AQP3: variants seen among roughly 807,000 people sequenced by gnomAD.
AQP3 encodes the protein aquaporin 3 (Gill blood group).
In AQP3, 15 loss-of-function variants were observed where a neutral mutation model predicts 30.3. The ratio of observed to expected loss-of-function variants is 0.49; its 90% CI spans 0.33 to 0.76. AQP3 has a LOEUF of 0.76. Among genes scored for constraint, AQP3 ranks in the 30% least tolerant of loss-of-function variants. The probability of loss-of-function intolerance (pLI) is 0.02; values close to 1 mark genes in which losing one functional copy is unlikely to be tolerated. For synonymous variants in AQP3, 153 were observed against 163.2 expected (o/e 0.94, Z 0.47); for missense variants, 272 against 384.8 (o/e 0.71, Z 2.45).
At chr9:33,447,216 C>T (rs980549943) in intron 1 of AQP3, among the ~76,000 whole-genome samples, 4 of 152,178 alleles carry the variant, frequency 2.6e-5, no homozygotes, top group Non-Finnish European at 2.9e-5. Flanking sequence ...GTCATTCTGG[C>T]AAGAGTCGGA....
At position 33,441,829 on chromosome 9, in the gene AQP3, G is replaced by T. The variant is rs747502111; in HGVS notation, c.*214C>A. On this transcript the variant is annotated 3_prime_UTR_variant, in exon 6 of 6. Transcript: ENST00000297991. ...AAAAGGATGTATTGACCCAAATTCC[G>T]GTTCCACCCCAGCTTAGGGGCAGTG... 4.1e-6 allele frequency: 3 copies of T among 732,294 alleles called. No individual in the cohort carries two copies. Among genetic ancestry groups the T allele is most frequent in the Non-Finnish European group, 6.8e-6 (3 of 440,148 alleles). The allele number at this position is 732,294 out of a possible 1,614,324, so 45.4% of individuals were successfully genotyped here. A position where few individuals can be genotyped will look rare whatever the true frequency, so the allele number is the denominator to read the frequency against.
rs1237412703 is a variant in AQP3, at chr9:33,447,434, G to A, written c.97C>T (p.Leu33Phe). The change falls in exon 1 of 6, where the codon CTC becomes TTC. Residue 33 changes from leucine to phenylalanine, a missense_variant. Leu to Phe is a conservative substitution (Grantham distance 22). Transcript: ENST00000297991. ...CTCCCTCCACTCACCACCAGGATGA[G>A]GGTCCCCAGGCACTCGGCCAGCGCC... ...RQALAECLGT[L>F]ILVMFGCGSV... 1.9e-6 allele frequency: 3 copies of A among 1,603,982 alleles called. No homozygotes were observed. Among genetic ancestry groups the A allele is most frequent in the Non-Finnish European group, 1.7e-6 (2 of 1,175,870 alleles).
intron 4 of AQP3, 130 bp downstream of exon 4, chr9:33,442,722 G>T (rs1826856539): frequency 1.8e-6 from 2 of 1,112,574 alleles, no homozygotes; most frequent in Non-Finnish European, 2.7e-6. Flanking sequence ...ACCATGTTCT[G>T]ATGCGGGTTA....
In AQP3 at chr9:33,443,137, C is replaced by A; in HGVS notation, c.374-167G>T. On this transcript the variant is annotated intron_variant, in intron 3 of 5. Coordinates refer to ENST00000297991, the MANE Select transcript of AQP3 (RefSeq NM_004925.5). The surrounding 1 kb of genome is among the most constrained non-coding windows in gnomAD (Gnocchi z 5.0). Reference sequence around the variant, plus strand: ...GGGGTGGGGTGGAGGGCCTGAGACTCTGTTATTGCCCAACTTGTTTCTTTC... The same window carrying A: ...GGGGTGGGGTGGAGGGCCTGAGACTATGTTATTGCCCAACTTGTTTCTTTC... 9.1e-7 allele frequency: 1 copy of A among 1,100,514 alleles called. No homozygotes were observed. The highest frequency in any genetic ancestry group is 1.3e-6 in the Non-Finnish European group (1 of 749,800). The allele number at this position is 1,100,514 out of a possible 1,614,324, so 68.2% of individuals were successfully genotyped here.
Position 33,442,843 on chromosome 9 carries a change from A to G in AQP3, c.492+9T>C, listed in dbSNP as rs1430137412. 11 of 1,612,466 alleles carry G rather than the reference A, an allele frequency of 6.8e-6. No individual in the cohort carries two copies. Among genetic ancestry groups the G allele is most frequent in the Non-Finnish European group, 9.3e-6 (11 of 1,178,588 alleles). ...CCCTGCGTTCCCCTCACACGTCCCC[A>G]GCCCATACCTGGTCAAAGAAGCCAT... On this transcript the variant is annotated intron_variant, in intron 4 of 5. Transcript: ENST00000297991.
Position 33,443,231 on chromosome 9 carries a change from C to A in AQP3, c.373+90G>T. 1 of 1,525,644 alleles carries A rather than the reference C, an allele frequency of 6.6e-7. No homozygotes were observed. Among genetic ancestry groups the A allele is most frequent in the South Asian group, 1.2e-5 (1 of 83,190 alleles). The allele number at this position is 1,525,644 out of a possible 1,614,324, so 94.5% of individuals were successfully genotyped here. A position where few individuals can be genotyped will look rare whatever the true frequency, so the allele number is the denominator to read the frequency against. ...CATGAGCCCGGGGCCTGGGCAGGTC[C>A]TAGCCGTCTGTCATCAAAAGGCCTG... On this transcript the variant is annotated intron_variant, in intron 3 of 5. Transcript: ENST00000297991. This position sits in a 1 kb window ranked among gnomAD's most constrained non-coding sequence, Gnocchi z 5.0.
chr9:33,443,302 C>A lies in AQP3; in HGVS notation c.373+19G>T. 1 of 1,571,376 alleles carries A rather than the reference C, an allele frequency of 6.4e-7. No individual in the cohort carries two copies. On this transcript the variant is annotated intron_variant, in intron 3 of 5. Coordinates refer to ENST00000297991, the MANE Select transcript of AQP3 (RefSeq NM_004925.5). This position sits in a 1 kb window ranked among gnomAD's most constrained non-coding sequence, Gnocchi z 5.0. ...GAGGGACGGGGGTAGTGGAGGAGGA[C>A]AGGGTGGGGAATGCTTACCATAATA...
Position 33,443,803 on chromosome 9 carries a change from A to C in AQP3, c.198T>G (p.Ala66=). 6.2e-7 allele frequency: 1 copy of C among 1,614,036 alleles called. No individual in the cohort carries two copies. The change falls in exon 2 of 6, where the codon GCT becomes GCG. Residue 66 remains alanine (A), a synonymous_variant. Transcript: ENST00000297991. The surrounding 1 kb of genome is among the most constrained non-coding windows in gnomAD (Gnocchi z 5.0). The part of the protein sequence containing the change: ...FLTINLAFGF[A]VTLGILIAGQ... The stretch of plus-strand genomic sequence containing the variant: ...CAGCGATGAGGATGCCCAGAGTGAC[A>C]GCAAAGCCAAAGGCCAGGTTGATGG...
At chr9:33,444,037 G>T in intron 1 of AQP3, 145 bp from the exon 2 acceptor site, 1 of 1,051,612 alleles carries the variant, frequency 9.5e-7, no homozygotes, top group Non-Finnish European at 1.3e-6. Context: ...CCCTTCTGCT[G>T]TAATTGCACT....
At chr9:33,445,819 G>A (rs1826905954) in intron 1 of AQP3, among the ~76,000 whole-genome samples, 1 of 152,164 alleles carries the variant, frequency 6.6e-6, no homozygotes, top group Non-Finnish European at 1.5e-5. Flanking sequence ...CAACACGCAG[G>A]TAGGCAGGCA....
In AQP3 at chr9:33,443,558, A is replaced by C; in HGVS notation, c.236-100T>G. 1 of 1,508,898 alleles carries C rather than the reference A, an allele frequency of 6.6e-7. No homozygotes were observed. The highest frequency in any genetic ancestry group is 9.0e-7 in the Non-Finnish European group (1 of 1,109,832). The allele number at this position is 1,508,898 out of a possible 1,614,324, so 93.5% of individuals were successfully genotyped here. Reference sequence around the variant, plus strand: ...TGCAGAGAGGGGTTTCTTGCACAGGATGGCGGTTGGTCTATGTAACAGGTC... The same window carrying C: ...TGCAGAGAGGGGTTTCTTGCACAGGCTGGCGGTTGGTCTATGTAACAGGTC... On this transcript the variant is annotated intron_variant, in intron 2 of 5. Transcript: ENST00000297991. The surrounding 1 kb of genome is among the most constrained non-coding windows in gnomAD (Gnocchi z 5.0).
At position 33,442,207 on chromosome 9, in the gene AQP3, C is replaced by T. The variant is rs1021095972; in HGVS notation, c.715G>A (p.Gly239Ser). 32 of 1,612,172 alleles carry T rather than the reference C, an allele frequency of 2.0e-5. No individual in the cohort carries two copies. Among genetic ancestry groups the T allele is most frequent in the Non-Finnish European group, 2.4e-5 (28 of 1,179,470 alleles). Residue 239 changes from glycine (G) to serine (S), a missense_variant, in exon 6 of 6, where the codon GGC becomes AGC. Physicochemically the swap from Gly to Ser is moderately conservative, Grantham distance 56. Transcript: ENST00000297991. ...AGWGSAVFTT[G>S]QHWWWVPIVS... Reference sequence around the variant, plus strand: ...ATGGGCACCCACCACCAATGCTGGCCGGTCCTGGGGGGACAGACACTCATA... The same window carrying T: ...ATGGGCACCCACCACCAATGCTGGCTGGTCCTGGGGGGACAGACACTCATA...
intron 5 of AQP3, 35 bp from the exon 6 acceptor site, chr9:33,442,246 G>T: frequency 6.2e-7 from 1 of 1,611,714 alleles, no homozygotes; most frequent in Non-Finnish European, 8.5e-7. Context: ...AGGGACATGG[G>T]GGGCAGGGCA....
At chr9:33,444,599 CAA>C (rs34738732) in intron 1 of AQP3, among the ~76,000 whole-genome samples, 342 of 113,182 alleles carry the variant, frequency 3.0e-3, no homozygotes, top group African/African-American at 8.8e-3. Flanking sequence ...GACTCCATCT[CAA>C]AAAAAAAAAA....
At chr9:33,444,402 C>T (rs568611159) in intron 1 of AQP3, among the ~76,000 whole-genome samples, 2 of 152,038 alleles carry the variant, frequency 1.3e-5, no homozygotes, top group African/African-American at 4.8e-5. Context: ...GAGTTTGAGA[C>T]CAGCCTGGCC....
chr9:33,443,703 G>A lies in AQP3; in HGVS notation c.235+63C>T. 1 of 1,610,552 alleles carries A rather than the reference G, an allele frequency of 6.2e-7. No homozygotes were observed. The highest frequency in any genetic ancestry group is 8.5e-7 in the Non-Finnish European group (1 of 1,177,860). ...ACAGCTGTGACCTGCCCTTAGGAAT[G>A]CCAGGACACCTAGTGGGAATGCTAT... is the stretch of plus-strand genomic sequence containing the variant. On this transcript the variant is annotated intron_variant, in intron 2 of 5. Transcript: ENST00000297991. The surrounding 1 kb of genome is among the most constrained non-coding windows in gnomAD (Gnocchi z 5.0).
At position 33,443,573 on chromosome 9, in the gene AQP3, T is replaced by C. The variant is rs2118970788; in HGVS notation, c.236-115A>G. 1 of 1,473,788 alleles carries C rather than the reference T, an allele frequency of 6.8e-7. No individual in the cohort carries two copies. 91.3% of individuals were successfully genotyped at this position (1,473,788 alleles called of 1,614,324 possible). On this transcript the variant is annotated intron_variant, in intron 2 of 5. Transcript: ENST00000297991. The surrounding 1 kb of genome is among the most constrained non-coding windows in gnomAD (Gnocchi z 5.0). ...CTTGCACAGGATGGCGGTTGGTCTATGTAACAGGTCAGCTGATAATCTCTG... is the reference window on the plus strand; with the variant it reads ...CTTGCACAGGATGGCGGTTGGTCTACGTAACAGGTCAGCTGATAATCTCTG...
At chr9:33,444,599 CAAAA>C (rs34738732) in intron 1 of AQP3, among the ~76,000 whole-genome samples, 3 of 113,208 alleles carry the variant, frequency 2.6e-5, no homozygotes, top group African/African-American at 7.1e-5. Context: ...GACTCCATCT[CAAAA>C]AAAAAAAAAA....
In AQP3 at chr9:33,441,945, A is replaced by T; in HGVS notation, c.*98T>A. 6.5e-7 allele frequency: 1 copy of T among 1,538,054 alleles called. No homozygotes were observed. Among genetic ancestry groups the T allele is most frequent in the Non-Finnish European group, 8.8e-7 (1 of 1,135,168 alleles). On this transcript the variant is annotated 3_prime_UTR_variant, in exon 6 of 6. Transcript: ENST00000297991. ...TAGATAGGGAGCTCCTTAGCCTGAA[A>T]GGGTGGATCGTGAAGGGGGCTTCTT...
Sources: allele counts gnomAD v4.1 joint callset (sites outside exome capture counted in the v4.1 genomes callset), GRCh38; gene constraint gnomAD v4.1.1; non-coding constraint Gnocchi (gnomAD v3.1); transcripts MANE v1.5; gene names NCBI Gene and HGNC (gene_info 2026-07-23, HGNC 2026-07-21).